The following LRRC7 variants were observed in gnomAD, a reference collection of about 807,000 sequenced individuals.
LRRC7 encodes the protein leucine-rich repeat-containing protein 7.
A neutral mutation model predicts 175.7 loss-of-function variants in LRRC7; 23 were observed. The observed-to-expected ratio is 0.13, with a 90% CI of 0.09 to 0.19. The LOEUF is 0.19. Among genes scored for constraint, LRRC7 ranks in the 10% least tolerant of loss-of-function variants. The pLI is 1.00. For missense variants in LRRC7, 1,354 were observed against 1,904.7 expected (o/e 0.71, Z 5.38); for synonymous variants, 685 against 680.9 (o/e 1.01, Z -0.09).
At chr1:69,915,146 C>T (rs1478562140) in intron 7 of LRRC7, among the ~76,000 whole-genome samples, 1 of 152,064 alleles carries the variant, frequency 6.6e-6, no homozygotes, top group Non-Finnish European at 1.5e-5. Context: ...GGTTACAGTG[C>T]ATAAGGCCAA....
chr1:70,072,566 G>C (rs1313333124), intron 23 of LRRC7, among the ~76,000 whole-genome samples: 1 of 146,322 alleles, frequency 6.8e-6, no homozygotes, highest in Non-Finnish European at 1.5e-5. Context: ...TATAGCCCAA[G>C]AGAGACAAAA....
Position 69,939,456 on chromosome 1 carries a change from A to G in LRRC7, c.711+7886A>G, listed in dbSNP as rs568997186. On this transcript the variant is annotated intron_variant, in intron 8 of 26. Transcript: ENST00000651989. The stretch of plus-strand genomic sequence containing the variant: ...CTGAGGAAGTGCAAAGAGAAGCCAA[A>G]CGTAAATAAAAAGAGCAAGTCCCTC... Among the ~76,000 whole-genome samples the G allele has an allele frequency of 9.5e-4, 145 of 152,078 alleles. 1 individual carries two copies. Among genetic ancestry groups the G allele is most frequent in the Non-Finnish European group, 1.7e-3 (113 of 67,948 alleles).
intron 2 of LRRC7, among the ~76,000 whole-genome samples, chr1:69,756,458 A>C (rs1670441500): frequency 6.6e-6 from 1 of 152,034 alleles, no homozygotes; most frequent in Non-Finnish European, 1.5e-5. Flanking sequence ...AAAAAAAATC[A>C]AAGCATATTG....
chr1:69,649,964 G>T (rs114620164), intron 1 of LRRC7, among the ~76,000 whole-genome samples: 2,533 of 152,206 alleles, frequency 0.017, 65 homozygotes, highest in African/African-American at 0.058. Context: ...ATACTTTATG[G>T]ATGATGACAG....
intron 7 of LRRC7, among the ~76,000 whole-genome samples, chr1:69,915,638 C>A (rs1355947303): frequency 6.6e-6 from 1 of 151,992 alleles, no homozygotes; most frequent in Non-Finnish European, 1.5e-5. Context: ...TTTTTTTCAA[C>A]AAGCTTTGCC....
chr1:69,577,594 A>G (rs964697542), intron 1 of LRRC7, among the ~76,000 whole-genome samples: 2 of 152,170 alleles, frequency 1.3e-5, no homozygotes, highest in Non-Finnish European at 2.9e-5. Context: ...AGCTTTCTAC[A>G]TATGGCTAGC....
At chr1:69,683,310 C>G (rs1660728335) in intron 2 of LRRC7, among the ~76,000 whole-genome samples, 1 of 152,150 alleles carries the variant, frequency 6.6e-6, no homozygotes, top group Non-Finnish European at 1.5e-5. Context: ...TGCAAATATT[C>G]TGTGTAAGAT....
chr1:69,711,481 A>G lies in LRRC7; in HGVS notation c.100+33003A>G, dbSNP rs757707180. 2.5e-4 allele frequency among the ~76,000 whole-genome samples: 38 copies of G among 152,248 alleles called. 1 individual carries two copies. The highest frequency in any genetic ancestry group is 1.6e-3 in the Admixed American group (24 of 15,294). On this transcript the variant is annotated intron_variant, in intron 2 of 26. Coordinates refer to ENST00000651989, the MANE Select transcript of LRRC7 (RefSeq NM_001370785.2). ...ATCCTTGACATTTCAAATCCCCTGAATTTTTCATTTACTCAGTAATTGAAA... is the reference window on the plus strand; with the variant it reads ...ATCCTTGACATTTCAAATCCCCTGAGTTTTTCATTTACTCAGTAATTGAAA...
chr1:69,691,044 C>A (rs1238695684), intron 2 of LRRC7, among the ~76,000 whole-genome samples: 1 of 152,104 alleles, frequency 6.6e-6, no homozygotes, highest in East Asian at 1.9e-4. Context: ...TCATAATGTT[C>A]AGGAAGTTAT....
intron 1 of LRRC7, among the ~76,000 whole-genome samples, chr1:69,571,686 A>G (rs1418269869): frequency 6.6e-6 from 1 of 152,150 alleles, no homozygotes; most frequent in Non-Finnish European, 1.5e-5. Flanking sequence ...TATCAAAATT[A>G]CACTTAGAGA....
intron 1 of LRRC7, among the ~76,000 whole-genome samples, chr1:69,576,299 A>G (rs1451110949): frequency 2.0e-5 from 3 of 152,030 alleles, no homozygotes; most frequent in Non-Finnish European, 2.9e-5. Flanking sequence ...ATCTGGTTAA[A>G]CATCTGTTAT....
chr1:69,758,556 G>A (rs66483567), intron 2 of LRRC7, among the ~76,000 whole-genome samples: 25,259 of 151,786 alleles, frequency 0.17, 2,170 homozygotes, highest in Middle Eastern at 0.2. Context: ...TTGGTTACAC[G>A]GGTAAATTGT....
intron 26 of LRRC7, among the ~76,000 whole-genome samples, chr1:70,120,655 A>G (rs183456613): frequency 2.0e-5 from 3 of 152,250 alleles, no homozygotes; most frequent in Admixed American, 1.3e-4. Flanking sequence ...AATAGTAAGT[A>G]AAATAAAAAA....
intron 5 of LRRC7, among the ~76,000 whole-genome samples, chr1:69,834,360 A>G (rs986312947): frequency 6.6e-6 from 1 of 152,184 alleles, no homozygotes; most frequent in African/African-American, 2.4e-5. Flanking sequence ...TTTGATGATT[A>G]AGTGAAATAG....
chr1:69,572,442 C>A lies in LRRC7; in HGVS notation c.2+3801C>A, dbSNP rs555501791. 2.8e-3 allele frequency among the ~76,000 whole-genome samples: 428 copies of A among 152,170 alleles called. 2 individuals are homozygous for A. Among genetic ancestry groups the A allele is most frequent in the African/African-American group, 9.7e-3 (404 of 41,550 alleles). On this transcript the variant is annotated intron_variant, in intron 1 of 26. Transcript: ENST00000651989. The stretch of plus-strand genomic sequence containing the variant: ...CAGGCTTCACATATGTTTTAAAAAA[C>A]TTATTTGTGAATTGTCAATAAAAAC...
chr1:69,911,173 G>C (rs1570617034), intron 7 of LRRC7, among the ~76,000 whole-genome samples: 1 of 151,834 alleles, frequency 6.6e-6, no homozygotes, highest in Non-Finnish European at 1.5e-5. Flanking sequence ...GCCTTGCCCT[G>C]CTTCGGCTCG....
chr1:69,921,318 G>A (rs1025087829), intron 7 of LRRC7, among the ~76,000 whole-genome samples: 7 of 151,806 alleles, frequency 4.6e-5, no homozygotes, highest in Non-Finnish European at 7.4e-5. Flanking sequence ...TTTTGCCTGA[G>A]CTCCAGACAC....
intron 1 of LRRC7, among the ~76,000 whole-genome samples, chr1:69,637,565 G>T (rs1653582394): frequency 6.6e-6 from 1 of 151,790 alleles, no homozygotes. Context: ...TTGGAAAATT[G>T]ACTGGATTTT....
intron 1 of LRRC7, among the ~76,000 whole-genome samples, chr1:69,668,072 A>G (rs1557572552): frequency 1.3e-5 from 2 of 152,192 alleles, no homozygotes; most frequent in African/African-American, 2.4e-5. Context: ...TTGCAAAAAC[A>G]AATGAGCACA....
Sources: allele counts gnomAD v4.1 joint callset (sites outside exome capture counted in the v4.1 genomes callset), GRCh38; gene constraint gnomAD v4.1.1; transcripts MANE v1.5; gene names NCBI Gene and HGNC (gene_info 2026-07-23, HGNC 2026-07-21).